SPTLC3: variants seen among roughly 807,000 people sequenced by gnomAD.
The protein encoded by SPTLC3 is serine palmitoyltransferase long chain base subunit 3, also known as serine palmitoyltransferase 3.
Under a neutral mutation model 59.3 loss-of-function variants are expected in SPTLC3, and 36 were observed. That is an observed-to-expected ratio of 0.61 (90% CI 0.47 to 0.80). SPTLC3 has a LOEUF of 0.80. SPTLC3 is among the 30% of genes least tolerant of loss of function. The pLI, the probability that SPTLC3 is intolerant of heterozygous loss-of-function variation, is 0.00. For missense variants in SPTLC3, 625 were observed against 685.1 expected (o/e 0.91, Z 0.98); for synonymous variants, 257 against 240.8 (o/e 1.07, Z -0.62).
chr20:13,143,974 T>A (rs1170891273), intron 9 of SPTLC3, among the ~76,000 whole-genome samples: 2 of 152,202 alleles, frequency 1.3e-5, no homozygotes, highest in African/African-American at 4.8e-5. Flanking sequence ...CTATACACTA[T>A]GAGCTTTGTC....
At chr20:13,055,376 T>C (rs1038628417) in intron 2 of SPTLC3, among the ~76,000 whole-genome samples, 3 of 152,096 alleles carry the variant, frequency 2.0e-5, no homozygotes, top group Admixed American at 6.5e-5. Flanking sequence ...GGAATTCTCC[T>C]TGGGCATTCT....
At chr20:13,116,327 A>G (rs1203068891) in intron 7 of SPTLC3, among the ~76,000 whole-genome samples, 2 of 152,176 alleles carry the variant, frequency 1.3e-5, no homozygotes, top group Non-Finnish European at 2.9e-5. Context: ...CGGTTGTTTG[A>G]ATTGTTTGAC....
intron 9 of SPTLC3, among the ~76,000 whole-genome samples, chr20:13,138,089 C>T (rs2038291600): frequency 6.6e-6 from 1 of 152,208 alleles, no homozygotes; most frequent in Admixed American, 6.5e-5. Context: ...CTGTGAGTTA[C>T]TCAGTCCACC....
At chr20:13,157,854 G>A (rs2038810495) in intron 10 of SPTLC3, among the ~76,000 whole-genome samples, 1 of 152,140 alleles carries the variant, frequency 6.6e-6, no homozygotes, top group East Asian at 1.9e-4. Context: ...AATTGTATAA[G>A]CCACTGTGGA....
chr20:13,100,679 T>C (rs190127344), intron 6 of SPTLC3, among the ~76,000 whole-genome samples: 52 of 152,372 alleles, frequency 3.4e-4, no homozygotes, highest in African/African-American at 1.2e-3. Context: ...AACTACTCTA[T>C]CATTTATTCA....
At chr20:13,062,119 A>G (rs930308356) in intron 2 of SPTLC3, among the ~76,000 whole-genome samples, 3 of 152,158 alleles carry the variant, frequency 2.0e-5, no homozygotes, top group Non-Finnish European at 2.9e-5. Flanking sequence ...GGCCCTCCCT[A>G]GGGTATCTGC....
intron 1 of SPTLC3, among the ~76,000 whole-genome samples, chr20:13,047,308 A>G (rs918591697): frequency 9.2e-5 from 14 of 152,298 alleles, no homozygotes; most frequent in African/African-American, 3.1e-4. Flanking sequence ...TGTGTTGATT[A>G]CAATGACAAA....
chr20:13,069,984 A>G (rs1988378466), intron 2 of SPTLC3, among the ~76,000 whole-genome samples: 1 of 152,218 alleles, frequency 6.6e-6, no homozygotes, highest in Non-Finnish European at 1.5e-5. Context: ...TAAATAGAGA[A>G]ACACAACATT....
rs974792686 is a variant in SPTLC3 at position 13,110,298 on chromosome 20, C to G, written c.932+81C>G. On this transcript the variant is annotated intron_variant, in intron 7 of 11. Coordinates refer to ENST00000399002, the MANE Select transcript of SPTLC3 (RefSeq NM_018327.4). The stretch of plus-strand genomic sequence containing the variant: ...GTGCGGAAAGGCTCACCTTTCCTAG[C>G]TAAACAGAGAAATGACTTAGAATTG... The G allele has an allele frequency of 1.5e-5, 18 of 1,167,530 alleles. No homozygotes were observed. The South Asian group carries it at 1.5e-4, about 10-fold the overall frequency. The allele number at this position is 1,167,530 out of a possible 1,614,324, so 72.3% of individuals were successfully genotyped here.
intron 2 of SPTLC3, among the ~76,000 whole-genome samples, chr20:13,068,577 G>A (rs1270340360): frequency 6.6e-6 from 1 of 152,070 alleles, no homozygotes; most frequent in East Asian, 1.9e-4. Context: ...TCACAGGTGG[G>A]GAGAAGAGGG....
In SPTLC3 at chr20:13,167,854, TC is replaced by T. The variant is rs1600424407; in HGVS notation, c.*2988del. On this transcript the variant is annotated 3_prime_UTR_variant, in exon 12 of 12. Transcript: ENST00000399002. ...AACCAGCCTTCCTGCGTGATTCTAA[TC>T]TATGCCAAAATTTAAGAACATTATT... 2 of 152,206 alleles carry T rather than the reference TC, an allele frequency of 1.3e-5. No homozygotes were observed. Among genetic ancestry groups the T allele is most frequent in the East Asian group, 3.8e-4 (2 of 5,196 alleles). The allele number at this position is 152,206 out of a possible 1,614,324, so 9.4% of individuals were successfully genotyped here.
intron 9 of SPTLC3, among the ~76,000 whole-genome samples, chr20:13,152,360 G>A (rs1016636399): frequency 6.6e-6 from 1 of 152,142 alleles, no homozygotes; most frequent in Non-Finnish European, 1.5e-5. Flanking sequence ...GATCCAATTA[G>A]TAGCCACCAC....
chr20:13,135,210 G>A (rs2038214995), intron 9 of SPTLC3, among the ~76,000 whole-genome samples: 1 of 152,166 alleles, frequency 6.6e-6, no homozygotes, highest in Admixed American at 6.5e-5. Flanking sequence ...TCTTCAATGG[G>A]TAGGATCAAT....
At chr20:13,128,003 T>A (rs1412395577) in intron 9 of SPTLC3, among the ~76,000 whole-genome samples, 1 of 152,226 alleles carries the variant, frequency 6.6e-6, no homozygotes, top group Non-Finnish European at 1.5e-5. Context: ...GTGACTTATC[T>A]ATTCAACCCT....
chr20:13,095,794 T>C (rs897716855), intron 6 of SPTLC3, among the ~76,000 whole-genome samples: 1 of 152,130 alleles, frequency 6.6e-6, no homozygotes, highest in Admixed American at 6.6e-5. Flanking sequence ...ACCTGCCATA[T>C]TAATTATCCT....
chr20:13,025,852 A>C (rs1986116301), intron 1 of SPTLC3, among the ~76,000 whole-genome samples: 1 of 152,110 alleles, frequency 6.6e-6, no homozygotes, highest in African/African-American at 2.4e-5. Flanking sequence ...AGCACCCATT[A>C]GTTATTTTTC....
At chr20:13,050,378 A>G (rs1191301760) in intron 2 of SPTLC3, 1 of 152,170 alleles carries the variant, frequency 6.6e-6, no homozygotes, top group African/African-American at 2.4e-5. Flanking sequence ...CAATTCAACA[A>G]AGACAAAGAA....
chr20:13,045,546 C>T (rs1216739182), intron 1 of SPTLC3, among the ~76,000 whole-genome samples: 1 of 152,152 alleles, frequency 6.6e-6, no homozygotes, highest in East Asian at 1.9e-4. Flanking sequence ...CTAGCTATCT[C>T]TTAAGGAGAC....
At chr20:13,142,840 C>T (rs764426801) in intron 9 of SPTLC3, among the ~76,000 whole-genome samples, 8 of 152,144 alleles carry the variant, frequency 5.3e-5, no homozygotes, top group East Asian at 1.9e-4. Flanking sequence ...TGGCTGTTTC[C>T]GTCTCATGAG....
Sources: gnomAD v4.1 joint callset for allele counts (sites outside exome capture counted in the v4.1 genomes callset) on GRCh38, gnomAD v4.1.1 for gene constraint, MANE v1.5 for transcripts, NCBI Gene and HGNC (gene_info 2026-07-23, HGNC 2026-07-21) for gene names.